The following SNTN variants were observed in gnomAD, a reference collection of about 807,000 sequenced individuals.
SNTN encodes the protein sentan.
In SNTN, 13 loss-of-function variants were observed where a neutral mutation model predicts 12.3. The ratio of observed to expected loss-of-function variants is 1.05; its 90% confidence interval spans 0.69 to 1.67. The LOEUF (loss-of-function observed/expected upper bound fraction) is 1.67, where lower values mean the gene tolerates loss of function less well. Ranked by LOEUF, SNTN falls within the 40% of genes most tolerant of loss-of-function variation. The pLI, the probability that SNTN is intolerant of heterozygous loss-of-function variation, is 0.00. For synonymous variants in SNTN, 69 were observed against 58.5 expected (o/e 1.18, Z -0.82); for missense variants, 189 against 169.8 (o/e 1.11, Z -0.63).
chr3:63,655,747 T>A (rs1700672621), intron 2 of SNTN, among the ~76,000 whole-genome samples: 1 of 152,140 alleles, frequency 6.6e-6, no homozygotes, highest in Admixed American at 6.6e-5. Context: ...TAAACATGAT[T>A]CATCTCCCCA....
Position 63,664,004 on chromosome 3 carries a change from T to C in SNTN, c.353T>C (p.Leu118Pro). ...SELDEHTENKLDFEDFMILLL... is the reference protein window; with the variant it reads ...SELDEHTENKPDFEDFMILLL... ...CTTGATGAGCACACAGAAAATAAGC[T>C]AGATTTTGAAGACTTCATGATCTTG... The change falls in exon 4 of 4, where the codon CTA becomes CCA. Residue 118 changes from leucine (L) to proline (P), a missense_variant. Transcript: ENST00000343837. The C allele has an allele frequency of 1.9e-6, 3 of 1,614,018 alleles. No homozygotes were observed. Among genetic ancestry groups the C allele is most frequent in the East Asian group, 4.5e-5 (2 of 44,852 alleles).
rs759007837 is a variant in SNTN at position 63,659,837 on chromosome 3, G to A, written c.258G>A (p.Leu86=). 3 of 1,613,804 alleles carry A rather than the reference G, an allele frequency of 1.9e-6. No homozygotes were observed. The highest frequency in any genetic ancestry group is 4.5e-5 in the East Asian group (2 of 44,848). Residue 86 remains leucine (L), a synonymous_variant, in exon 3 of 4, where the codon CTG becomes CTA. Transcript: ENST00000343837. ...AAAAAGCTATTGCCAAAGATCTGCT[G>A]CAAACCCAATTTAGGAATTTCGCAG... ...KLEKAIAKDL[L]QTQFRNFAEG...
chr3:63,656,162 T>G (rs1273130502), intron 2 of SNTN, among the ~76,000 whole-genome samples: 3 of 152,196 alleles, frequency 2.0e-5, no homozygotes, highest in Admixed American at 6.5e-5. Flanking sequence ...GACTGGTATT[T>G]CCATGACACC....
intron 2 of SNTN, among the ~76,000 whole-genome samples, chr3:63,656,600 T>A (rs1255571372): frequency 6.6e-6 from 1 of 152,224 alleles, no homozygotes; most frequent in African/African-American, 2.4e-5. Flanking sequence ...TTTACCTGTT[T>A]ATTTTTACTT....
At position 63,657,981 on chromosome 3, in the gene SNTN, A is replaced by G. The variant is rs7616126; in HGVS notation, c.146-1744A>G. 3.4e-4 allele frequency among the ~76,000 whole-genome samples: 52 copies of G among 152,258 alleles called. 1 individual carries two copies. The highest frequency in any genetic ancestry group is 3.4e-3 in the Middle Eastern group (1 of 294). On this transcript the variant is annotated intron_variant, in intron 2 of 3. Transcript: ENST00000343837. ...CATCCTCCTCACCTTTAACTGAAAA[A>G]TTAGTTGCTCAAAATGCTTTGATGC...
At chr3:63,660,006 G>A in intron 3 of SNTN, 142 bp downstream of exon 3, 1 of 934,836 alleles carries the variant, frequency 1.1e-6, no homozygotes, top group Non-Finnish European at 1.6e-6. Flanking sequence ...GCCAGGCAGT[G>A]AGCTGCACTG....
At chr3:63,655,441 A>G (rs1350650106) in intron 2 of SNTN, among the ~76,000 whole-genome samples, 1 of 152,164 alleles carries the variant, frequency 6.6e-6, no homozygotes, top group Admixed American at 6.6e-5. Flanking sequence ...ACTCTCCAAA[A>G]GAGACTCTGT....
chr3:63,655,613 T>C (rs1238359026), intron 2 of SNTN, among the ~76,000 whole-genome samples: 1 of 152,070 alleles, frequency 6.6e-6, no homozygotes, highest in African/African-American at 2.4e-5. Flanking sequence ...GAGGTTGAGA[T>C]TGTAACTCGG....
chr3:63,653,295 G>T (rs1358442174), intron 1 of SNTN, among the ~76,000 whole-genome samples: 1 of 151,770 alleles, frequency 6.6e-6, no homozygotes, highest in Non-Finnish European at 1.5e-5. Flanking sequence ...TCTTCTCAAG[G>T]GTCTCACAGA....
intron 1 of SNTN, 30 bp from the exon 2 acceptor site, chr3:63,654,732 A>G (rs752627791): frequency 6.2e-7 from 1 of 1,610,092 alleles, no homozygotes; most frequent in Admixed American, 1.7e-5. Flanking sequence ...AACTCCCAGA[A>G]TCATTCTGTT....
intron 2 of SNTN, among the ~76,000 whole-genome samples, chr3:63,658,132 A>T (rs140321736): frequency 2.0e-5 from 3 of 152,210 alleles, no homozygotes; most frequent in Non-Finnish European, 4.4e-5. Context: ...CTTCTTTCAG[A>T]AATCTGCCAA....
At chr3:63,655,523 T>C (rs17069202) in intron 2 of SNTN, among the ~76,000 whole-genome samples, 12,422 of 152,222 alleles carry the variant, frequency 0.082, 714 homozygotes, top group South Asian at 0.16. Flanking sequence ...GACTGGTGAT[T>C]TATGTTTCAA....
At position 63,659,943 on chromosome 3, in the gene SNTN, G is replaced by T. The variant is rs1467193282; in HGVS notation, c.285+79G>T. ...CAATGAGCAAATAACTCCAGCTCCA[G>T]GTCCCTGTCATGTTGTCTCACGTAA... is the stretch of plus-strand genomic sequence containing the variant. On this transcript the variant is annotated intron_variant, in intron 3 of 3. Coordinates refer to ENST00000343837, the MANE Select transcript of SNTN (RefSeq NM_001080537.2). The T allele has an allele frequency of 1.1e-4, 171 of 1,539,938 alleles. 1 individual carries two copies. Among genetic ancestry groups the T allele is most frequent in the Non-Finnish European group, 1.5e-4 (166 of 1,125,174 alleles).
At chr3:63,660,009 C>A (rs1424288251) in intron 3 of SNTN, 145 bp downstream of exon 3, 14 of 927,378 alleles carry the variant, frequency 1.5e-5, no homozygotes, top group Non-Finnish European at 2.3e-5. Context: ...AGGCAGTGAG[C>A]TGCACTGGAG....
At chr3:63,662,402 A>G (rs1417665762) in intron 3 of SNTN, among the ~76,000 whole-genome samples, 3 of 152,208 alleles carry the variant, frequency 2.0e-5, no homozygotes, top group Non-Finnish European at 4.4e-5. Flanking sequence ...CCTTATAGCC[A>G]GTCAGATAGA....
chr3:63,654,818 T>A lies in SNTN; in HGVS notation c.145+22T>A, dbSNP rs767020036. 3 of 1,610,336 alleles carry A rather than the reference T, an allele frequency of 1.9e-6. No homozygotes were observed. In the South Asian group the frequency reaches 3.3e-5, roughly 18 times the overall value. ...AAAGGTAAGGCACAGATGACGCAGA[T>A]GTACATTTTTCTCCTCTACCAAGAT... On this transcript the variant is annotated intron_variant, in intron 2 of 3. Coordinates refer to ENST00000343837, the MANE Select transcript of SNTN (RefSeq NM_001080537.2).
rs1444345203 is a variant in SNTN, at chr3:63,654,104, C to A, written c.111-658C>A. Among the ~76,000 whole-genome samples, 8 of 152,300 alleles carry A rather than the reference C, an allele frequency of 5.3e-5. No individual in the cohort carries two copies. The South Asian group carries it at 1.4e-3, about 28-fold the overall frequency. On this transcript the variant is annotated intron_variant, in intron 1 of 3. Transcript: ENST00000343837. ...CTCTTTGCCCTCTCTATGTGCTCTG[C>A]CATTACTTTTTATCGAGTTACCTGC... is the stretch of plus-strand genomic sequence containing the variant.
intron 3 of SNTN, among the ~76,000 whole-genome samples, chr3:63,661,134 A>G (rs1427392474): frequency 6.6e-6 from 1 of 152,172 alleles, no homozygotes; most frequent in African/African-American, 2.4e-5. Flanking sequence ...ATCAATTCTT[A>G]TTTAGTGTTT....
intron 1 of SNTN, among the ~76,000 whole-genome samples, chr3:63,654,025 A>T (rs1700649787): frequency 6.6e-6 from 1 of 152,286 alleles, no homozygotes; most frequent in South Asian, 2.1e-4. Context: ...TTCACTACTG[A>T]TTCATTAGGC....
Sources: gnomAD v4.1 joint callset for allele counts (sites outside exome capture counted in the v4.1 genomes callset) on GRCh38, gnomAD v4.1.1 for gene constraint, MANE v1.5 for transcripts, NCBI Gene and HGNC (gene_info 2026-07-23, HGNC 2026-07-21) for gene names.